SLC28A3: variants seen among roughly 807,000 people sequenced by gnomAD.
SLC28A3 encodes the protein solute carrier family 28 member 3, also known as concentrative Na(+)-nucleoside cotransporter 3.
A neutral mutation model predicts 84.2 loss-of-function variants in SLC28A3; 68 were observed. That is an observed-to-expected ratio of 0.81 (90% confidence interval 0.66 to 0.99). The LOEUF (loss-of-function observed/expected upper bound fraction) is 0.99. SLC28A3 is among the 50% of genes least tolerant of loss of function. The pLI is 0.00. For synonymous variants in SLC28A3, 267 were observed against 303.6 expected (o/e 0.88, Z 1.25); for missense variants, 712 against 841.5 (o/e 0.85, Z 1.90).
At chr9:84,366,232 G>A in the SLC28A3 span, among the ~76,000 whole-genome samples, 3 of 151,900 alleles carry the variant, frequency 2.0e-5, no homozygotes, top group African/African-American at 4.8e-5. Flanking sequence ...CAGAATTTCT[G>A]CTTATTTTAA....
Position 84,288,115 on chromosome 9 carries a change from T to C in SLC28A3, c.1213A>G (p.Lys405Glu). Reference protein sequence around the residue: ...MSAPASLAAAKLFWPETEKPK... With the variant: ...MSAPASLAAAELFWPETEKPK... ...TTTTCTGTCTCAGGCCAAAAGAGTT[T>C]AGCAGCAGCCAATGACGCAGGTGCT... The change falls in exon 12 of 18, where the codon AAA becomes GAA. Residue 405 changes from lysine (K) to glutamate (E), a missense_variant. Transcript: ENST00000376238. 6.2e-7 allele frequency: 1 copy of C among 1,614,146 alleles called. No individual in the cohort carries two copies. Among genetic ancestry groups the C allele is most frequent in the Non-Finnish European group, 8.5e-7 (1 of 1,180,002 alleles).
upstream of SLC28A3, among the ~76,000 whole-genome samples, chr9:84,341,574 T>G (rs1827159058): frequency 6.6e-6 from 1 of 152,196 alleles, no homozygotes; most frequent in Non-Finnish European, 1.5e-5. Flanking sequence ...AGAATTCAAA[T>G]TCAAGTTTGG....
chr9:84,341,844 A>G (rs2118651274), upstream of SLC28A3, among the ~76,000 whole-genome samples: 1 of 152,232 alleles, frequency 6.6e-6, no homozygotes, highest in East Asian at 1.9e-4. Flanking sequence ...AAAGAATGGA[A>G]AAGGCCTGGT....
At chr9:84,360,646 C>T in the SLC28A3 span, among the ~76,000 whole-genome samples, 4,287 of 152,098 alleles carry the variant, frequency 0.028, 57 homozygotes, top group African/African-American at 0.038. Context: ...GGCTGGGTGC[C>T]GTGGCTTATA....
chr9:84,307,445 A>AAAAAAAAAG (rs1554726630), intron 3 of SLC28A3, among the ~76,000 whole-genome samples: 7 of 146,376 alleles, frequency 4.8e-5, no homozygotes, highest in Non-Finnish European at 6.0e-5. Context: ...AAAAAAAAAA[A>AAAAAAAAAG]CAAAAACAAA....
At chr9:84,312,347 G>C (rs1826018005) in intron 2 of SLC28A3, among the ~76,000 whole-genome samples, 1 of 152,000 alleles carries the variant, frequency 6.6e-6, no homozygotes. Context: ...TATGCATGTG[G>C]GTGTATGTTT....
rs535469828 is a variant in SLC28A3 at position 84,324,649 on chromosome 9, TA to T, written c.61-11196del. On this transcript the variant is annotated intron_variant, in intron 1 of 17. Coordinates refer to ENST00000376238, the MANE Select transcript of SLC28A3 (RefSeq NM_001199633.2). ...TAGGTGACACAGTGAGACCCTGTCT[TA>T]AAAAAAAAAAAAGTCTTAAAAGCTA... Among the ~76,000 whole-genome samples, 376 of 141,540 alleles carry T rather than the reference TA, an allele frequency of 2.7e-3. 1 individual carries two copies. The highest frequency in any genetic ancestry group is 2.5e-3 in the Non-Finnish European group (161 of 64,754). The allele number at this position is 141,540 out of a possible 152,430, so 92.9% of individuals were successfully genotyped here. A position where few individuals can be genotyped will look rare whatever the true frequency, so the allele number is the denominator to read the frequency against.
At chr9:84,287,425 A>G (rs2118121139) in intron 12 of SLC28A3, among the ~76,000 whole-genome samples, 1 of 152,280 alleles carries the variant, frequency 6.6e-6, no homozygotes, top group East Asian at 1.9e-4. Flanking sequence ...AAAAGGAACC[A>G]GCTTTCTTAT....
At chr9:84,281,174 T>C (rs1337434771) in intron 14 of SLC28A3, among the ~76,000 whole-genome samples, 2 of 152,258 alleles carry the variant, frequency 1.3e-5, no homozygotes, top group Non-Finnish European at 2.9e-5. Flanking sequence ...TAATATTCCA[T>C]ATGACCTGGC....
rs138567036 is a variant in SLC28A3, at chr9:84,277,324, G to A, written c.*894C>T. 1.3e-5 allele frequency: 2 copies of A among 152,330 alleles called. No homozygotes were observed. The highest frequency in any genetic ancestry group is 4.8e-5 in the African/African-American group (2 of 41,568). 9.4% of individuals were successfully genotyped at this position (152,330 alleles called of 1,614,324 possible). A position where few individuals can be genotyped will look rare whatever the true frequency, so the allele number is the denominator to read the frequency against. On this transcript the variant is annotated 3_prime_UTR_variant, in exon 18 of 18. Coordinates refer to ENST00000376238, the MANE Select transcript of SLC28A3 (RefSeq NM_001199633.2). The stretch of plus-strand genomic sequence containing the variant: ...CCCTATGACAGGATAATTTAACTGT[G>A]GTGACTGACATCGTGCCTGTCACAG...
chr9:84,327,361 GAAAA>G (rs11404370), intron 1 of SLC28A3, among the ~76,000 whole-genome samples: 1 of 127,660 alleles, frequency 7.8e-6, no homozygotes. Flanking sequence ...TCAGAACACC[GAAAA>G]AAAAAAAAAA....
chr9:84,337,383 C>T (rs373183620), intron 1 of SLC28A3, among the ~76,000 whole-genome samples: 2 of 151,942 alleles, frequency 1.3e-5, no homozygotes, highest in South Asian at 4.1e-4. Context: ...TGATACTCTG[C>T]TGGGTTTGAG....
the SLC28A3 span, among the ~76,000 whole-genome samples, chr9:84,363,174 C>G: frequency 6.7e-6 from 1 of 150,124 alleles, no homozygotes; most frequent in Non-Finnish European, 1.5e-5. Context: ...ATGAAATCTA[C>G]TAGTATGTAA....
intron 10 of SLC28A3, among the ~76,000 whole-genome samples, chr9:84,290,844 C>CAAACAA (rs1286245430): frequency 4.6e-5 from 7 of 151,926 alleles, no homozygotes; most frequent in Admixed American, 4.6e-4. Context: ...AACAAACAAA[C>CAAACAA]AAACAAACAA....
intron 1 of SLC28A3, among the ~76,000 whole-genome samples, chr9:84,335,008 A>C (rs1826920018): frequency 7.1e-6 from 1 of 141,614 alleles, no homozygotes; most frequent in Admixed American, 7.2e-5. Flanking sequence ...TAACTTCCCC[A>C]CTCCTTAAGC....
At chr9:84,295,577 C>T (rs1054334844) in intron 8 of SLC28A3, among the ~76,000 whole-genome samples, 1 of 150,060 alleles carries the variant, frequency 6.7e-6, no homozygotes, top group African/African-American at 2.5e-5. Context: ...AGCAAGAGTC[C>T]ATCTCACAAA....
intron 6 of SLC28A3, among the ~76,000 whole-genome samples, chr9:84,298,901 T>A (rs1008885330): frequency 6.6e-6 from 1 of 152,122 alleles, no homozygotes; most frequent in African/African-American, 2.4e-5. Flanking sequence ...CAGGGCTGAG[T>A]GGCTTCAAAA....
chr9:84,338,671 G>C lies in SLC28A3; in HGVS notation c.60+1903C>G, dbSNP rs1827059705. On this transcript the variant is annotated intron_variant, in intron 1 of 17. Coordinates refer to ENST00000376238, the MANE Select transcript of SLC28A3 (RefSeq NM_001199633.2). ...GGGAGCAGCCAGTTGCTGTGACATG[G>C]ACCTTCTCTATTGCAGATATATTTT... 2.6e-5 allele frequency among the ~76,000 whole-genome samples: 4 copies of C among 152,134 alleles called. No homozygotes were observed. The South Asian group carries it at 8.3e-4, about 32-fold the overall frequency.
At chr9:84,366,944 G>A in the SLC28A3 span, among the ~76,000 whole-genome samples, 161 of 152,308 alleles carry the variant, frequency 1.1e-3, no homozygotes, top group African/African-American at 3.5e-3. Context: ...CAGGTGACAA[G>A]GCTAGTCAGG....
Sources: allele counts gnomAD v4.1 joint callset (sites outside exome capture counted in the v4.1 genomes callset), GRCh38; gene constraint gnomAD v4.1.1; transcripts MANE v1.5; gene names NCBI Gene and HGNC (gene_info 2026-07-23, HGNC 2026-07-21).